CNTN3: variants seen among roughly 807,000 people sequenced by gnomAD.
CNTN3 encodes contactin 3, also known as contactin-3.
CNTN3 carries 60 observed loss-of-function variants against 119.1 expected under a neutral mutation model. The ratio of observed to expected loss-of-function variants is 0.50; its 90% CI spans 0.41 to 0.62. The LOEUF (loss-of-function observed/expected upper bound fraction) is 0.62. Among genes scored for constraint, CNTN3 ranks in the 20% least tolerant of loss-of-function variants. The pLI is 0.00. For missense variants in CNTN3, 1,101 were observed against 1,242.4 expected (o/e 0.89, Z 1.71); for synonymous variants, 450 against 438.7 (o/e 1.03, Z -0.32).
At chr3:74,352,605 T>C (rs1231534432) in intron 11 of CNTN3, among the ~76,000 whole-genome samples, 1 of 152,242 alleles carries the variant, frequency 6.6e-6, no homozygotes, top group Non-Finnish European at 1.5e-5. Context: ...GGCTCCTTGA[T>C]GTCTCTTATT....
In CNTN3 at chr3:74,264,259, T is replaced by A. The variant is rs984731469; in HGVS notation, c.*142A>T. On this transcript the variant is annotated 3_prime_UTR_variant, in exon 23 of 23. Coordinates refer to ENST00000263665, the MANE Select transcript of CNTN3 (RefSeq NM_020872.3). ...CCCCTAAAAGGATTTACTGTTTTTT[T>A]AATTATATTCATATTTACCTATAAT... The A allele has an allele frequency of 2.9e-5, 13 of 441,278 alleles. No homozygotes were observed. The highest frequency in any genetic ancestry group is 6.9e-5 in the East Asian group (2 of 28,816). 27.3% of individuals were successfully genotyped at this position (441,278 alleles called of 1,614,324 possible).
intron 1 of CNTN3, among the ~76,000 whole-genome samples, chr3:74,573,553 G>C (rs1027819712): frequency 6.6e-6 from 1 of 151,856 alleles, no homozygotes; most frequent in Non-Finnish European, 1.5e-5. Flanking sequence ...ATCTGTTAAG[G>C]GTTTGGTACT....
chr3:74,541,562 G>C (rs9852829), intron 1 of CNTN3, among the ~76,000 whole-genome samples: 14,235 of 151,994 alleles, frequency 0.094, 1,500 homozygotes, highest in African/African-American at 0.26. Context: ...TGAATACATA[G>C]TAAAACTAAA....
intron 13 of CNTN3, among the ~76,000 whole-genome samples, chr3:74,327,954 ATTC>A (rs1170282667): frequency 2.6e-5 from 4 of 150,972 alleles, no homozygotes; most frequent in Non-Finnish European, 4.4e-5. Flanking sequence ...TTTTCTCTTT[ATTC>A]TTCATTGGTA....
intron 3 of CNTN3, among the ~76,000 whole-genome samples, chr3:74,488,237 A>G (rs1312448634): frequency 6.6e-6 from 1 of 151,816 alleles, no homozygotes. Flanking sequence ...CTCAGCCTCC[A>G]GAGTAGCTGG....
intron 5 of CNTN3, among the ~76,000 whole-genome samples, chr3:74,393,142 T>C (rs1216639761): frequency 6.6e-6 from 1 of 152,228 alleles, no homozygotes; most frequent in Non-Finnish European, 1.5e-5. Context: ...GACTCCAAGC[T>C]TGCTTCCATT....
intron 5 of CNTN3, among the ~76,000 whole-genome samples, chr3:74,389,238 A>C (rs952736392): frequency 2.6e-5 from 4 of 152,236 alleles, no homozygotes; most frequent in Non-Finnish European, 4.4e-5. Flanking sequence ...TAACTGAATT[A>C]ATAAATTGGA....
intron 1 of CNTN3, among the ~76,000 whole-genome samples, chr3:74,559,005 A>ATAATAATAATAATAG (rs1344320699): frequency 6.7e-6 from 1 of 150,364 alleles, no homozygotes; most frequent in African/African-American, 2.4e-5. Flanking sequence ...AATAATAATA[A>ATAATAATAATAATAG]TAGTAACTGC....
At chr3:74,366,434 C>A (rs1252700638) in intron 8 of CNTN3, among the ~76,000 whole-genome samples, 1 of 151,948 alleles carries the variant, frequency 6.6e-6, no homozygotes, top group African/African-American at 2.4e-5. Context: ...AAGCATCGTA[C>A]CACTTACAAT....
At chr3:74,294,607 C>A (rs1575703924) in intron 19 of CNTN3, among the ~76,000 whole-genome samples, 1 of 152,116 alleles carries the variant, frequency 6.6e-6, no homozygotes, top group Admixed American at 6.5e-5. Context: ...CCTAGTCAGA[C>A]CTTCATTATA....
At chr3:74,430,427 C>CTT (rs941297290) in intron 4 of CNTN3, among the ~76,000 whole-genome samples, 3 of 152,126 alleles carry the variant, frequency 2.0e-5, no homozygotes, top group Admixed American at 1.3e-4. Flanking sequence ...TTATGTAAAA[C>CTT]TTTAAAAAAT....
intron 13 of CNTN3, among the ~76,000 whole-genome samples, chr3:74,318,032 C>T (rs937761094): frequency 1.3e-5 from 2 of 152,092 alleles, no homozygotes; most frequent in Non-Finnish European, 2.9e-5. Flanking sequence ...AGGCTTTGTT[C>T]GTTTCTTTCT....
intron 5 of CNTN3, among the ~76,000 whole-genome samples, chr3:74,424,193 C>T (rs1297183363): frequency 1.3e-5 from 2 of 152,066 alleles, no homozygotes; most frequent in African/African-American, 4.8e-5. Flanking sequence ...ATCAAACCAG[C>T]ACCCCAGGCT....
intron 5 of CNTN3, among the ~76,000 whole-genome samples, chr3:74,388,620 A>C (rs1268277823): frequency 1.3e-5 from 2 of 152,324 alleles, no homozygotes; most frequent in African/African-American, 4.8e-5. Context: ...TTTCCTGATA[A>C]ATTATATCCT....
intron 11 of CNTN3, among the ~76,000 whole-genome samples, chr3:74,341,002 C>T (rs560602972): frequency 2.6e-4 from 39 of 152,166 alleles, no homozygotes; most frequent in African/African-American, 8.9e-4. Context: ...TTTAATTAAG[C>T]AAACTTCAAG....
intron 2 of CNTN3, among the ~76,000 whole-genome samples, chr3:74,514,168 T>A (rs1703413911): frequency 6.6e-6 from 1 of 152,042 alleles, no homozygotes; most frequent in Non-Finnish European, 1.5e-5. Context: ...ATGTGCATAG[T>A]GAGATCACAA....
At chr3:74,548,655 T>C (rs1703947323) in intron 1 of CNTN3, among the ~76,000 whole-genome samples, 1 of 151,834 alleles carries the variant, frequency 6.6e-6, no homozygotes, top group African/African-American at 2.4e-5. Flanking sequence ...AGTGGAACAA[T>C]ACATAATGAA....
At chr3:74,408,709 A>G (rs1701386376) in intron 5 of CNTN3, among the ~76,000 whole-genome samples, 1 of 152,086 alleles carries the variant, frequency 6.6e-6, no homozygotes, top group Non-Finnish European at 1.5e-5. Flanking sequence ...GGAATCTTCT[A>G]TGCAGCTTTG....
At chr3:74,379,296 C>T (rs1344593603) in intron 5 of CNTN3, among the ~76,000 whole-genome samples, 1 of 152,156 alleles carries the variant, frequency 6.6e-6, no homozygotes, top group African/African-American at 2.4e-5. Context: ...GCTGGCATTA[C>T]AGGTGTCCGC....
Sources: gnomAD v4.1 joint callset for allele counts (sites outside exome capture counted in the v4.1 genomes callset) on GRCh38, gnomAD v4.1.1 for gene constraint, MANE v1.5 for transcripts, NCBI Gene and HGNC (gene_info 2026-07-23, HGNC 2026-07-21) for gene names.